GLG1: variants seen among roughly 807,000 people sequenced by gnomAD.
The protein encoded by GLG1 is golgi glycoprotein 1.
A neutral mutation model predicts 160.5 loss-of-function variants in GLG1; 38 were observed. The ratio of observed to expected loss-of-function variants is 0.24; its 90% CI spans 0.18 to 0.31. The LOEUF is 0.31. GLG1 is among the 10% of genes least tolerant of loss of function. GLG1 has a pLI of 1.00. For synonymous variants in GLG1, 644 were observed against 543.4 expected, an observed-to-expected ratio of 1.19 and a Z score of -2.57; for missense variants, 1,373 against 1,505.2, an observed-to-expected ratio of 0.91 and a Z score of 1.45.
intron 2 of GLG1, among the ~76,000 whole-genome samples, chr16:74,515,583 A>G (rs916932942): frequency 6.7e-6 from 1 of 149,758 alleles, no homozygotes; most frequent in Non-Finnish European, 1.5e-5. Flanking sequence ...GGATAGCATT[A>G]GGAGATATAC....
At chr16:74,513,550 G>A (rs554838121) in intron 2 of GLG1, among the ~76,000 whole-genome samples, 1 of 152,264 alleles carries the variant, frequency 6.6e-6, no homozygotes, top group African/African-American at 2.4e-5. Flanking sequence ...CTGCAGCTGA[G>A]GGGCCTGTCT....
chr16:74,473,462 T>TA (rs1285874586), intron 13 of GLG1, among the ~76,000 whole-genome samples: 2 of 104,494 alleles, frequency 1.9e-5, no homozygotes, highest in African/African-American at 7.2e-5. Flanking sequence ...TTTTGAGACA[T>TA]AGAGTCTCGC....
At chr16:74,605,750 A>C (rs577415523) in intron 1 of GLG1, among the ~76,000 whole-genome samples, 3 of 152,186 alleles carry the variant, frequency 2.0e-5, no homozygotes, top group East Asian at 3.9e-4. Flanking sequence ...TAAAAAAAAA[A>C]CCAAAAACAG....
At chr16:74,585,339 G>A (rs565877799) in intron 1 of GLG1, among the ~76,000 whole-genome samples, 2 of 152,242 alleles carry the variant, frequency 1.3e-5, no homozygotes, top group East Asian at 3.9e-4. Flanking sequence ...AACCCAGGAG[G>A]TGGAGGCTGC....
At chr16:74,495,280 ATTTT>A (rs1168223391) in intron 5 of GLG1, among the ~76,000 whole-genome samples, 1 of 151,892 alleles carries the variant, frequency 6.6e-6, no homozygotes, top group Non-Finnish European at 1.5e-5. Flanking sequence ...TGCCCAACTA[ATTTT>A]TTTATTTTTA....
chr16:74,507,165 A>G (rs1173418257), intron 3 of GLG1, among the ~76,000 whole-genome samples: 1 of 152,212 alleles, frequency 6.6e-6, no homozygotes, highest in Non-Finnish European at 1.5e-5. Flanking sequence ...CCCTGACTCC[A>G]GTATAATCTT....
chr16:74,478,267 G>A (rs2015463806), intron 11 of GLG1, among the ~76,000 whole-genome samples: 1 of 152,110 alleles, frequency 6.6e-6, no homozygotes, highest in South Asian at 2.1e-4. Context: ...CTTGACTCAG[G>A]AGAAATGAGT....
At chr16:74,584,394 G>C (rs1012874380) in intron 1 of GLG1, among the ~76,000 whole-genome samples, 1 of 152,042 alleles carries the variant, frequency 6.6e-6, no homozygotes, top group African/African-American at 2.4e-5. Context: ...ATTAATTAAC[G>C]AAGTTTTGTT....
chr16:74,498,448 GTA>G (rs61033032), intron 4 of GLG1, among the ~76,000 whole-genome samples: 265 of 24,052 alleles, frequency 0.011, 40 homozygotes, highest in African/African-American at 0.034. Context: ...AAAAAAAAAA[GTA>G]TATATATATA....
chr16:74,532,679 C>T (rs2017576712), intron 1 of GLG1, among the ~76,000 whole-genome samples: 1 of 151,948 alleles, frequency 6.6e-6, no homozygotes, highest in Admixed American at 6.6e-5. Flanking sequence ...GCAATGTCAC[C>T]AAGCCCAGCT....
chr16:74,528,967 TGCC>T (rs1485889022), intron 2 of GLG1, among the ~76,000 whole-genome samples: 80 of 116,544 alleles, frequency 6.9e-4, no homozygotes, highest in African/African-American at 2.5e-3. Context: ...CCATTCTGTC[TGCC>T]TTTTTTTTTT....
At chr16:74,476,799 G>T (rs2015402585) in intron 12 of GLG1, among the ~76,000 whole-genome samples, 1 of 152,094 alleles carries the variant, frequency 6.6e-6, no homozygotes, top group Admixed American at 6.6e-5. Context: ...TTTAGGTAAG[G>T]GAATGTATAC....
At position 74,489,316 on chromosome 16, in the gene GLG1, C is replaced by A. The variant is rs578105277; in HGVS notation, c.1449+1685G>T. On this transcript the variant is annotated intron_variant, in intron 8 of 25. Transcript: ENST00000422840. ...TGAAACCCCATCTCTACTAAAAATACAAAAATTAGCTGGGTGTGGTGGTGG... is the reference window on the plus strand; with the variant it reads ...TGAAACCCCATCTCTACTAAAAATAAAAAAATTAGCTGGGTGTGGTGGTGG... Among the ~76,000 whole-genome samples the A allele has an allele frequency of 2.6e-4, 39 of 151,966 alleles. No individual in the cohort carries two copies. In the South Asian group the frequency reaches 3.9e-3, roughly 15 times the overall value.
intron 1 of GLG1, among the ~76,000 whole-genome samples, chr16:74,544,502 GTTGT>G (rs763771312): frequency 2.6e-5 from 4 of 151,302 alleles, no homozygotes; most frequent in Non-Finnish European, 4.4e-5. Flanking sequence ...GTTTTTTGTT[GTTGT>G]TTGTTTGGTT....
intron 3 of GLG1, among the ~76,000 whole-genome samples, chr16:74,506,105 C>T (rs1486514549): frequency 3.5e-5 from 4 of 114,446 alleles, no homozygotes; most frequent in African/African-American, 6.0e-5. Flanking sequence ...TTTTTTTTGC[C>T]GAACAAAACA....
chr16:74,576,823 A>C (rs1208145705), intron 1 of GLG1, among the ~76,000 whole-genome samples: 1 of 152,062 alleles, frequency 6.6e-6, no homozygotes, highest in Admixed American at 6.6e-5. Flanking sequence ...TACTTTCTTT[A>C]CTCATGAATG....
intron 1 of GLG1, among the ~76,000 whole-genome samples, chr16:74,599,032 G>A (rs1240629864): frequency 1.3e-5 from 2 of 152,042 alleles, no homozygotes; most frequent in Admixed American, 6.6e-5. Context: ...GACTGTTCAA[G>A]TATTTTATTT....
chr16:74,538,636 TAA>T (rs889215594), intron 1 of GLG1, among the ~76,000 whole-genome samples: 2 of 152,172 alleles, frequency 1.3e-5, no homozygotes, highest in African/African-American at 2.4e-5. Context: ...TCTGATTCAC[TAA>T]AGAGTTGTAG....
chr16:74,461,933 G>C (rs2014813599), intron 22 of GLG1, 161 bp downstream of exon 22: 2 of 565,688 alleles, frequency 3.5e-6, no homozygotes, highest in Non-Finnish European at 6.3e-6. Context: ...GTTGAATTCA[G>C]TGTTACAAAG....
Sources: gnomAD v4.1 joint callset for allele counts (sites outside exome capture counted in the v4.1 genomes callset) on GRCh38, gnomAD v4.1.1 for gene constraint, MANE v1.5 for transcripts, NCBI Gene and HGNC (gene_info 2026-07-23, HGNC 2026-07-21) for gene names.